Variants in ASAP2 observed in about 807,000 individuals in gnomAD.
ASAP2 encodes ArfGAP with SH3 domain, ankyrin repeat and PH domain 2.
A neutral mutation model predicts 131.4 loss-of-function variants in ASAP2; 45 were observed. That is an observed-to-expected ratio of 0.34 (90% CI 0.27 to 0.44). ASAP2 has a LOEUF of 0.44. ASAP2 is among the 20% of genes least tolerant of loss of function. ASAP2 has a pLI of 1.00. For missense variants in ASAP2, 1,011 were observed against 1,297.0 expected (o/e 0.78, Z 3.39); for synonymous variants, 510 against 503.0 (o/e 1.01, Z -0.19).
chr2:9,316,322 T>A (rs1394451754), intron 3 of ASAP2, among the ~76,000 whole-genome samples: 2 of 152,012 alleles, frequency 1.3e-5, no homozygotes, highest in Non-Finnish European at 2.9e-5. Flanking sequence ...GAAAAAAAAA[T>A]TAGTACACTG....
At position 9,256,179 on chromosome 2, in the gene ASAP2, AAAG is replaced by A. The variant is rs1243667485; in HGVS notation, c.127-23135_127-23133del. On this transcript the variant is annotated intron_variant, in intron 1 of 27. Transcript: ENST00000281419. The stretch of plus-strand genomic sequence containing the variant: ...GTCCCCTGCAAAAAAAAAAAAAAAA[AAAG>A]AAAGCAAGTAATTCTGGCAGCCCAA... Among the ~76,000 whole-genome samples the A allele has an allele frequency of 6.8e-3, 984 of 145,074 alleles. 12 individuals carry two copies. The highest frequency in any genetic ancestry group is 0.023 in the African/African-American group (912 of 40,024).
chr2:9,333,296 T>G (rs1003600026), intron 7 of ASAP2, among the ~76,000 whole-genome samples: 1 of 152,260 alleles, frequency 6.6e-6, no homozygotes, highest in African/African-American at 2.4e-5. Flanking sequence ...ACTTTGCGGG[T>G]ACTTTGTGTC....
In ASAP2 at chr2:9,389,603, A is replaced by C. The variant is rs116515525; in HGVS notation, c.2383+1057A>C. Among the ~76,000 whole-genome samples the C allele has an allele frequency of 7.9e-3, 1,197 of 152,186 alleles. 22 individuals carry two copies. The highest frequency in any genetic ancestry group is 0.027 in the African/African-American group (1,131 of 41,500). ...CCCTGCCGTCCTGGGTGTCTCACAG[A>C]CCCTCACACGGCTCTGCCCCTGTCA... On this transcript the variant is annotated intron_variant, in intron 22 of 27. Transcript: ENST00000281419. The surrounding 1 kb of genome is among the most constrained non-coding windows in gnomAD (Gnocchi z 4.7).
At chr2:9,385,492 C>A in intron 21 of ASAP2, 134 bp downstream of exon 21, 1 of 694,564 alleles carries the variant, frequency 1.4e-6, no homozygotes, top group Non-Finnish European at 2.5e-6. Flanking sequence ...TTTCATTGAT[C>A]TCAGTAGGCT....
intron 20 of ASAP2, among the ~76,000 whole-genome samples, chr2:9,383,807 T>C (rs780138997): frequency 6.6e-5 from 10 of 152,110 alleles, no homozygotes; most frequent in Non-Finnish European, 1.3e-4. Flanking sequence ...ATGTGGCACA[T>C]ATACACCGTG....
chr2:9,293,840 T>G (rs114000195), intron 2 of ASAP2, among the ~76,000 whole-genome samples: 144 of 152,084 alleles, frequency 9.5e-4, no homozygotes, highest in African/African-American at 3.4e-3. Context: ...ACTGGTACAG[T>G]GTGAGCATCA....
At chr2:9,278,608 G>A (rs939950718) in intron 1 of ASAP2, among the ~76,000 whole-genome samples, 13 of 152,080 alleles carry the variant, frequency 8.5e-5, no homozygotes, top group East Asian at 5.8e-4. Context: ...GTGATTAGTC[G>A]TTGAACAGAT....
intron 11 of ASAP2, 29 bp from the exon 12 acceptor site, chr2:9,350,779 C>CT (rs746819885): frequency 2.5e-6 from 4 of 1,599,476 alleles, no homozygotes; most frequent in Middle Eastern, 1.7e-4. Context: ...CAACCCCAAC[C>CT]TTTTTTGTTG....
Position 9,279,373 on chromosome 2 carries a change from C to A in ASAP2, c.183C>A (p.Ile61=). The A allele has an allele frequency of 5.0e-6, 8 of 1,614,108 alleles. No homozygotes were observed. Among genetic ancestry groups the A allele is most frequent in the Non-Finnish European group, 6.8e-6 (8 of 1,179,980 alleles). Residue 61 remains isoleucine, a synonymous_variant, in exon 2 of 28, where the codon ATC becomes ATA. Transcript: ENST00000281419. ...AAATGAAGAAATCCGTGAAAGCAATCAACAGCTCTGGGCTGGGTGAGTATA... is the reference window on the plus strand; with the variant it reads ...AAATGAAGAAATCCGTGAAAGCAATAAACAGCTCTGGGCTGGGTGAGTATA... ...LYKMKKSVKA[I]NSSGLAHVEN...
At chr2:9,384,378 G>A (rs186863989) in intron 20 of ASAP2, among the ~76,000 whole-genome samples, 1 of 152,282 alleles carries the variant, frequency 6.6e-6, no homozygotes, top group East Asian at 1.9e-4. Flanking sequence ...TGTAAAGGCG[G>A]TTTCACAAGC....
intron 1 of ASAP2, among the ~76,000 whole-genome samples, chr2:9,229,872 G>T (rs1185319996): frequency 1.3e-5 from 2 of 152,184 alleles, no homozygotes; most frequent in African/African-American, 4.8e-5. Context: ...GGGTGGGCCA[G>T]GCTGTTGGGG....
chr2:9,400,935 G>C (rs1676610402), intron 26 of ASAP2, 105 bp downstream of exon 26: 2 of 1,156,916 alleles, frequency 1.7e-6, no homozygotes, highest in Non-Finnish European at 2.5e-6. Context: ...CCCCTGGCTG[G>C]GGCAGGGCGG....
chr2:9,321,472 C>A (rs41437044), intron 5 of ASAP2, among the ~76,000 whole-genome samples: 1,810 of 152,294 alleles, frequency 0.012, 36 homozygotes, highest in African/African-American at 0.041. Context: ...CCGTCAGCAT[C>A]CTTTATTTGT....
At chr2:9,364,862 A>G (rs1279145203) in intron 15 of ASAP2, among the ~76,000 whole-genome samples, 3 of 152,228 alleles carry the variant, frequency 2.0e-5, no homozygotes, top group African/African-American at 7.2e-5. Context: ...TTCTACGTAC[A>G]CTGTATTATC....
At chr2:9,340,442 GTC>G (rs1260299235) in intron 9 of ASAP2, among the ~76,000 whole-genome samples, 1 of 152,246 alleles carries the variant, frequency 6.6e-6, no homozygotes, top group Non-Finnish European at 1.5e-5. Flanking sequence ...GTTCTCCGGA[GTC>G]TTTTAAAAAT....
chr2:9,207,667 G>C lies in ASAP2; in HGVS notation c.126+437G>C, dbSNP rs1661219582. ...CTCCGAGCTCCCCGCCGCAGCCCCC[G>C]AGCGCCGCAGGGCCCCCACCCTCGG... On this transcript the variant is annotated intron_variant, in intron 1 of 27. Transcript: ENST00000281419. The surrounding 1 kb of genome is among the most constrained non-coding windows in gnomAD (Gnocchi z 4.1). Among the ~76,000 whole-genome samples the C allele has an allele frequency of 6.6e-6, 1 of 152,010 alleles. No individual in the cohort carries two copies.
chr2:9,333,128 T>C (rs1670952039), intron 7 of ASAP2, among the ~76,000 whole-genome samples: 1 of 152,220 alleles, frequency 6.6e-6, no homozygotes, highest in Non-Finnish European at 1.5e-5. Flanking sequence ...CTGCTGAGTT[T>C]AAAAGAAGTA....
rs1661198864 is a variant in ASAP2, at chr2:9,207,478, C to T, written c.126+248C>T. The stretch of plus-strand genomic sequence containing the variant: ...CGTGGCCCTCGCGGGGTTCCGCGGC[C>T]TGGTCTTTTCCCCGCAGCGCGGCCA... On this transcript the variant is annotated intron_variant, in intron 1 of 27. Coordinates refer to ENST00000281419, the MANE Select transcript of ASAP2 (RefSeq NM_003887.3). This position sits in a 1 kb window ranked among gnomAD's most constrained non-coding sequence, Gnocchi z 4.1. Among the ~76,000 whole-genome samples the T allele has an allele frequency of 6.6e-6, 1 of 152,146 alleles. No homozygotes were observed. Among genetic ancestry groups the T allele is most frequent in the African/African-American group, 2.4e-5 (1 of 41,444 alleles).
At chr2:9,333,962 A>G (rs1036303215) in intron 7 of ASAP2, among the ~76,000 whole-genome samples, 4 of 151,200 alleles carry the variant, frequency 2.6e-5, no homozygotes, top group Non-Finnish European at 5.9e-5. Flanking sequence ...TACCCCGCAG[A>G]CACAGTGTGG....
Sources: gnomAD v4.1 joint callset for allele counts (sites outside exome capture counted in the v4.1 genomes callset) on GRCh38, gnomAD v4.1.1 for gene constraint, Gnocchi (gnomAD v3.1) non-coding constraint, MANE v1.5 for transcripts, NCBI Gene and HGNC (gene_info 2026-07-23, HGNC 2026-07-21) for gene names.